The following MAGI1 variants were observed in gnomAD, a reference collection of about 807,000 sequenced individuals.
MAGI1 encodes the protein membrane associated guanylate kinase, WW and PDZ domain containing 1.
Under a neutral mutation model 139.9 loss-of-function variants are expected in MAGI1, and 58 were observed. The observed-to-expected ratio is 0.41, with a 90% CI of 0.34 to 0.52. MAGI1 has a LOEUF of 0.52. Ranked by LOEUF, MAGI1 falls within the 20% of genes least tolerant of loss-of-function variation. MAGI1 has a pLI of 0.12. For synonymous variants in MAGI1, 812 were observed against 737.9 expected (o/e 1.10, Z -1.63); for missense variants, 1,874 against 1,901.6 (o/e 0.99, Z 0.27).
intron 1 of MAGI1, among the ~76,000 whole-genome samples, chr3:65,852,105 T>A (rs1318427130): frequency 6.6e-6 from 1 of 152,130 alleles, no homozygotes; most frequent in Admixed American, 6.6e-5. Context: ...CAGGAAGATA[T>A]CTGGTAGGGC....
intron 1 of MAGI1, among the ~76,000 whole-genome samples, chr3:65,901,074 A>T (rs556062886): frequency 3.7e-4 from 56 of 152,330 alleles, no homozygotes; most frequent in African/African-American, 1.2e-3. Flanking sequence ...GATAACCCTT[A>T]CCTTGGGTAT....
Position 65,585,974 on chromosome 3 carries a change from GA to G in MAGI1, c.430+35997del, listed in dbSNP as rs1420088310. Among the ~76,000 whole-genome samples the G allele has an allele frequency of 2.6e-5, 4 of 152,174 alleles. No individual in the cohort carries two copies. In the East Asian group the frequency reaches 7.7e-4, roughly 29 times the overall value. The stretch of plus-strand genomic sequence containing the variant: ...TGTAATCCCAGTACTTTGGGAGGCT[GA>G]AGCAGGAGGATCAGCGGAGCCCAGG... On this transcript the variant is annotated intron_variant, in intron 2 of 22. Coordinates refer to ENST00000402939, the MANE Select transcript of MAGI1 (RefSeq NM_001033057.2).
chr3:65,644,996 C>CA (rs890861198), intron 1 of MAGI1, among the ~76,000 whole-genome samples: 939 of 90,200 alleles, frequency 0.01, 6 homozygotes, highest in African/African-American at 0.033. Context: ...GACTCCATCT[C>CA]AAAAAAAAAA....
At chr3:65,424,347 G>C (rs1946853119) in intron 12 of MAGI1, among the ~76,000 whole-genome samples, 1 of 152,104 alleles carries the variant, frequency 6.6e-6, no homozygotes, top group Non-Finnish European at 1.5e-5. Context: ...AATTTATTCA[G>C]CTATGACTTA....
At chr3:65,660,814 C>T (rs1408502129) in intron 1 of MAGI1, among the ~76,000 whole-genome samples, 1 of 152,166 alleles carries the variant, frequency 6.6e-6, no homozygotes, top group Non-Finnish European at 1.5e-5. Flanking sequence ...GTCTCGCCTT[C>T]CATAATAAGC....
rs181182253 is a variant in MAGI1 at position 65,565,895 on chromosome 3, C to T, written c.430+56077G>A. Among the ~76,000 whole-genome samples, 450 of 147,572 alleles carry T rather than the reference C, an allele frequency of 3.0e-3. 3 individuals are homozygous for T. The highest frequency in any genetic ancestry group is 7.6e-3 in the Middle Eastern group (2 of 262). ...AAAAAGAAACATTGCTATCACACAA[C>T]GGACAGTGGATTTGGAGGAAGTCCT... On this transcript the variant is annotated intron_variant, in intron 2 of 22. Coordinates refer to ENST00000402939, the MANE Select transcript of MAGI1 (RefSeq NM_001033057.2).
At chr3:65,939,426 A>G (rs2063207799) in intron 1 of MAGI1, among the ~76,000 whole-genome samples, 1 of 152,232 alleles carries the variant, frequency 6.6e-6, no homozygotes, top group South Asian at 2.1e-4. Flanking sequence ...CGCACAAATT[A>G]CCAACAGCTA....
intron 1 of MAGI1, among the ~76,000 whole-genome samples, chr3:65,990,025 A>G (rs1392691123): frequency 6.6e-6 from 1 of 152,226 alleles, no homozygotes; most frequent in African/African-American, 2.4e-5. Flanking sequence ...AGAAATTAAG[A>G]AAGTAGTTCA....
At chr3:65,662,221 T>G (rs1391484110) in intron 1 of MAGI1, among the ~76,000 whole-genome samples, 1 of 152,234 alleles carries the variant, frequency 6.6e-6, no homozygotes, top group Non-Finnish European at 1.5e-5. Context: ...TCTCCTTCAA[T>G]TAACAAGTAA....
At chr3:65,889,894 C>A (rs1270810962) in intron 1 of MAGI1, among the ~76,000 whole-genome samples, 1 of 152,162 alleles carries the variant, frequency 6.6e-6, no homozygotes, top group Non-Finnish European at 1.5e-5. Flanking sequence ...AACAGAGAAG[C>A]ATGAGGATGC....
At chr3:65,766,636 T>A (rs2037498780) in intron 1 of MAGI1, among the ~76,000 whole-genome samples, 2 of 151,288 alleles carry the variant, frequency 1.3e-5, no homozygotes, top group Non-Finnish European at 2.9e-5. Flanking sequence ...ACGCCTGTAA[T>A]CCCAACACTT....
chr3:65,917,344 C>T (rs1350801357), intron 1 of MAGI1, among the ~76,000 whole-genome samples: 1 of 152,198 alleles, frequency 6.6e-6, no homozygotes, highest in Non-Finnish European at 1.5e-5. Context: ...TCACTCACTG[C>T]TGGTGGGAAT....
At chr3:65,711,639 C>T (rs759454786) in intron 1 of MAGI1, among the ~76,000 whole-genome samples, 3 of 152,084 alleles carry the variant, frequency 2.0e-5, no homozygotes, top group African/African-American at 7.2e-5. Flanking sequence ...CATATGGGTG[C>T]GCCTAATCCA....
chr3:65,446,159 A>G (rs1411636771), intron 7 of MAGI1, among the ~76,000 whole-genome samples: 1 of 152,258 alleles, frequency 6.6e-6, no homozygotes, highest in Non-Finnish European at 1.5e-5. Context: ...GAAAGTACTG[A>G]AAAATCCAAG....
intron 1 of MAGI1, among the ~76,000 whole-genome samples, chr3:65,951,417 C>T (rs2063857357): frequency 6.6e-6 from 1 of 152,086 alleles, no homozygotes; most frequent in Non-Finnish European, 1.5e-5. Context: ...TTTTGTTAAA[C>T]GTAAAAACAG....
chr3:65,905,064 T>A (rs777469035), intron 1 of MAGI1, among the ~76,000 whole-genome samples: 1 of 152,226 alleles, frequency 6.6e-6, no homozygotes, highest in Admixed American at 6.5e-5. Context: ...TTAAAAATTA[T>A]ACTAAAAATA....
At chr3:65,703,995 T>C (rs1382461080) in intron 1 of MAGI1, among the ~76,000 whole-genome samples, 4 of 152,148 alleles carry the variant, frequency 2.6e-5, no homozygotes, top group African/African-American at 4.8e-5. Context: ...GCTGGTACAA[T>C]CTGAACAACC....
At chr3:65,756,929 C>A (rs1260558323) in intron 1 of MAGI1, among the ~76,000 whole-genome samples, 12 of 152,148 alleles carry the variant, frequency 7.9e-5, no homozygotes, top group Non-Finnish European at 1.6e-4. Context: ...AACCCATACA[C>A]GGAATGCCAA....
intron 1 of MAGI1, among the ~76,000 whole-genome samples, chr3:66,037,401 T>C (rs532868160): frequency 1.8e-4 from 28 of 152,074 alleles, no homozygotes; most frequent in Non-Finnish European, 3.7e-4. Flanking sequence ...CCCAAGTGTA[T>C]GGCTGAGCCA....
Sources: allele counts gnomAD v4.1 joint callset (sites outside exome capture counted in the v4.1 genomes callset), GRCh38; gene constraint gnomAD v4.1.1; transcripts MANE v1.5; gene names NCBI Gene and HGNC (gene_info 2026-07-23, HGNC 2026-07-21).